STARD9: variants seen among roughly 807,000 people sequenced by gnomAD.
STARD9 encodes the protein stAR-related lipid transfer protein 9.
A neutral mutation model predicts 399.8 loss-of-function variants in STARD9; 346 were observed. The observed-to-expected ratio is 0.87, with a 90% CI of 0.79 to 0.95. STARD9 has a LOEUF of 0.95. STARD9 is among the 40% of genes least tolerant of loss of function. The pLI is 0.00. For synonymous variants in STARD9, 2,203 were observed against 2,143.5 expected, an observed-to-expected ratio of 1.03 and a Z score of -0.77; for missense variants, 5,832 against 5,667.5, an observed-to-expected ratio of 1.03 and a Z score of -0.93.
intron 3 of STARD9, among the ~76,000 whole-genome samples, chr15:42,597,833 G>A (rs1256469492): frequency 3.3e-5 from 5 of 151,774 alleles, no homozygotes; most frequent in East Asian, 1.9e-4. Context: ...CACAGTGCCC[G>A]GCCAATTTTT....
intron 9 of STARD9, among the ~76,000 whole-genome samples, chr15:42,655,580 A>G (rs2059851161): frequency 6.6e-6 from 1 of 152,216 alleles, no homozygotes; most frequent in Non-Finnish European, 1.5e-5. Context: ...TTATACAAAA[A>G]TCAACTCAAG....
intron 26 of STARD9, among the ~76,000 whole-genome samples, chr15:42,700,592 G>C (rs2060945224): frequency 1.3e-5 from 2 of 152,062 alleles, no homozygotes; most frequent in African/African-American, 4.8e-5. Flanking sequence ...TGAGAAATGT[G>C]AAATCAGGTT....
intron 3 of STARD9, 124 bp downstream of exon 3, chr15:42,585,761 A>G (rs1035085555): frequency 2.0e-6 from 1 of 510,308 alleles, no homozygotes; most frequent in Admixed American, 3.6e-5. Flanking sequence ...GAAGTACTCT[A>G]ATTGGTACTT....
chr15:42,689,365 G>A lies in STARD9; in HGVS notation c.7787G>A (p.Cys2596Tyr), dbSNP rs113194001. The A allele has an allele frequency of 3.9e-4, 598 of 1,537,336 alleles. No individual in the cohort carries two copies. Among genetic ancestry groups the A allele is most frequent in the Non-Finnish European group, 5.0e-4 (568 of 1,146,934 alleles). The change falls in exon 23 of 33, where the codon TGT (cysteine) becomes TAT (tyrosine). Residue 2596 changes from cysteine to tyrosine, a missense_variant. This residue lies in a region of STARD9 where 5,828 missense variants were observed against 5,651.1 expected (regional missense o/e 1.03). Transcript: ENST00000290607. ...CSSRVAGRPQ[C>Y]KQIDQSSSDQ... ...TCAAGGGTTGCTGGCAGGCCTCAGT[G>A]TAAACAAATAGACCAGTCATCATCA...
intron 16 of STARD9, chr15:42,673,189 G>GTCAGGAGT (rs1372345360): frequency 6.6e-6 from 1 of 152,058 alleles, no homozygotes; most frequent in Non-Finnish European, 1.5e-5. Flanking sequence ...ATCGCCTGAG[G>GTCAGGAGT]TCAGGAGTTC....
In STARD9 at chr15:42,689,384, A is replaced by T; in HGVS notation, c.7806A>T (p.Ser2602=). 1.3e-6 allele frequency: 2 copies of T among 1,537,386 alleles called. No homozygotes were observed. The highest frequency in any genetic ancestry group is 1.2e-5 in the South Asian group (1 of 84,062). ...GRPQCKQIDQ[S]SSDQTRNEGE... is the part of the protein sequence containing the mutation. The stretch of plus-strand genomic sequence containing the variant: ...CTCAGTGTAAACAAATAGACCAGTC[A>T]TCATCAGACCAGACCAGGAATGAGG... Residue 2602 remains serine (S), a synonymous_variant, in exon 23 of 33, where the codon TCA becomes TCT. Transcript: ENST00000290607.
intron 9 of STARD9, among the ~76,000 whole-genome samples, chr15:42,656,841 G>T (rs1344119505): frequency 6.6e-6 from 1 of 152,142 alleles, no homozygotes; most frequent in Non-Finnish European, 1.5e-5. Flanking sequence ...AACAGCATAA[G>T]AATGAACTTT....
At chr15:42,577,059 G>C (rs1309237525) in intron 1 of STARD9, among the ~76,000 whole-genome samples, 2 of 152,156 alleles carry the variant, frequency 1.3e-5, no homozygotes, top group African/African-American at 4.8e-5. Flanking sequence ...TTCTGTATTT[G>C]TGAAACTGTT....
At chr15:42,628,290 T>A (rs2059265792) in intron 3 of STARD9, among the ~76,000 whole-genome samples, 2 of 152,216 alleles carry the variant, frequency 1.3e-5, no homozygotes, top group Non-Finnish European at 1.5e-5. Flanking sequence ...TTAGATTTTT[T>A]ATTGATTTTT....
chr15:42,688,336 A>G lies in STARD9; in HGVS notation c.6758A>G (p.Gln2253Arg). 2 of 1,537,404 alleles carry G rather than the reference A, an allele frequency of 1.3e-6. No homozygotes were observed. The highest frequency in any genetic ancestry group is 8.7e-7 in the Non-Finnish European group (1 of 1,146,966). Residue 2253 changes from glutamine to arginine, a missense_variant, in exon 23 of 33, where the codon CAG becomes CGG. By Grantham distance (43) the Gln-to-Arg change is conservative (BLOSUM62 1). Around this residue, in one of 2 missense-constraint regions of STARD9, gnomAD observed 5,828 missense variants for 5,651.1 expected, o/e 1.03. Coordinates refer to ENST00000290607, the MANE Select transcript of STARD9 (RefSeq NM_020759.3). ...GAATTGGAGACTGTGAAAGGTTTTCAGGAAAGCCAAGTAGCTGAACACGTA... is the reference window on the plus strand; with the variant it reads ...GAATTGGAGACTGTGAAAGGTTTTCGGGAAAGCCAAGTAGCTGAACACGTA... The part of the protein sequence containing the change: ...LEELETVKGF[Q>R]ESQVAEHVSS...
Position 42,685,805 on chromosome 15 carries a change from A to G in STARD9, c.4227A>G (p.Ala1409=), listed in dbSNP as rs759658377. ...GCAGTACTGAGCTCCTCTGCAGTGC[A>G]AGAGATGAGCACACAGCCTCTGCTG... ...HQGSTELLCS[A]RDEHTASAAD... The change falls in exon 23 of 33, where the codon GCA becomes GCG. Residue 1409 remains alanine (A), a synonymous_variant. Transcript: ENST00000290607. 100 of 1,537,124 alleles carry G rather than the reference A, an allele frequency of 6.5e-5. No homozygotes were observed. The highest frequency in any genetic ancestry group is 8.2e-5 in the Non-Finnish European group (94 of 1,146,956).
intron 1 of STARD9, among the ~76,000 whole-genome samples, chr15:42,580,488 A>C (rs1292203641): frequency 6.6e-6 from 1 of 152,182 alleles, no homozygotes; most frequent in African/African-American, 2.4e-5. Context: ...TTGATTTGGA[A>C]CAAAAATGAG....
chr15:42,615,376 G>A (rs969604692), intron 3 of STARD9, among the ~76,000 whole-genome samples: 4 of 152,032 alleles, frequency 2.6e-5, no homozygotes, highest in East Asian at 1.9e-4. Flanking sequence ...GTGATTGCTC[G>A]TAATAGTTGA....
intron 3 of STARD9, among the ~76,000 whole-genome samples, chr15:42,592,269 A>G (rs990049062): frequency 1.3e-5 from 2 of 152,118 alleles, no homozygotes; most frequent in African/African-American, 4.8e-5. Flanking sequence ...ATTCAACACT[A>G]TGCTGCAGTA....
At chr15:42,592,531 G>A (rs980215082) in intron 3 of STARD9, among the ~76,000 whole-genome samples, 13 of 152,048 alleles carry the variant, frequency 8.5e-5, no homozygotes, top group East Asian at 3.9e-4. Context: ...TGCAATCTCC[G>A]CCTTCCGGTT....
chr15:42,652,737 G>A lies in STARD9; in HGVS notation c.702+145G>A, dbSNP rs569394708. On this transcript the variant is annotated intron_variant, in intron 9 of 32. Coordinates refer to ENST00000290607, the MANE Select transcript of STARD9 (RefSeq NM_020759.3). Reference sequence around the variant, plus strand: ...GTTGCCCAGACTGGAGTGCAGTGGCGCGATCTCGGCTCACCTGAACCTCTG... The same window carrying A: ...GTTGCCCAGACTGGAGTGCAGTGGCACGATCTCGGCTCACCTGAACCTCTG... 101 of 699,534 alleles carry A rather than the reference G, an allele frequency of 1.4e-4. No individual in the cohort carries two copies. In the East Asian group the frequency reaches 2.4e-3, roughly 17 times the overall value. The allele number at this position is 699,534 out of a possible 1,614,324, so 43.3% of individuals were successfully genotyped here. A position where few individuals can be genotyped will look rare whatever the true frequency, so the allele number is the denominator to read the frequency against.
chr15:42,665,222 A>C, intron 13 of STARD9, 31 bp from the exon 14 acceptor site: 1 of 1,507,420 alleles, frequency 6.6e-7, no homozygotes. Flanking sequence ...CTTGATAACA[A>C]TCAGTGGTGA....
chr15:42,678,183 G>A (rs1463349064), intron 20 of STARD9, among the ~76,000 whole-genome samples: 4 of 152,222 alleles, frequency 2.6e-5, no homozygotes, highest in African/African-American at 4.8e-5. Flanking sequence ...ATTGGGCAAA[G>A]GGACCAGGGA....
Position 42,681,544 on chromosome 15 carries a change from C to G in STARD9, c.1997C>G (p.Ala666Gly), listed in dbSNP as rs900567696. 2.0e-6 allele frequency: 3 copies of G among 1,537,166 alleles called. No individual in the cohort carries two copies. Among genetic ancestry groups the G allele is most frequent in the Non-Finnish European group, 2.6e-6 (3 of 1,146,866 alleles). Residue 666 changes from alanine to glycine, a missense_variant, in exon 21 of 33, where the codon GCA becomes GGA. Ala to Gly is a moderately conservative substitution (Grantham distance 60). Around this residue, in one of 2 missense-constraint regions of STARD9, gnomAD observed 5,828 missense variants for 5,651.1 expected, o/e 1.03. Coordinates refer to ENST00000290607, the MANE Select transcript of STARD9 (RefSeq NM_020759.3). ...GAGGATTTGAGGCATCAAATCCTAGCAGAAGAGATTCGAGCTGCGAAGGAA... is the reference window on the plus strand; with the variant it reads ...GAGGATTTGAGGCATCAAATCCTAGGAGAAGAGATTCGAGCTGCGAAGGAA... ...YVEDLRHQIL[A>G]EEIRAAKELE... is the part of the protein sequence containing the mutation.
Sources: gnomAD v4.1 joint callset for allele counts (sites outside exome capture counted in the v4.1 genomes callset) on GRCh38, gnomAD v4.1.1 for gene constraint, gnomAD v4.1.1 regional missense constraint, MANE v1.5 for transcripts, NCBI Gene and HGNC (gene_info 2026-07-23, HGNC 2026-07-21) for gene names.